STIMATE: variants seen among roughly 807,000 people sequenced by gnomAD.
STIMATE encodes the protein STIM activating enhancer, also known as store-operated calcium entry regulator STIMATE.
In STIMATE, 15 loss-of-function variants were observed where a neutral mutation model predicts 36.7. That is an observed-to-expected ratio of 0.41 (90% CI 0.27 to 0.63). The LOEUF (loss-of-function observed/expected upper bound fraction) is 0.63, where lower values mean the gene tolerates loss of function less well. Ranked by LOEUF, STIMATE falls within the 20% of genes least tolerant of loss-of-function variation. STIMATE has a pLI of 0.32. For synonymous variants in STIMATE, 163 were observed against 162.3 expected, an observed-to-expected ratio of 1.00 and a Z score of -0.03; for missense variants, 305 against 397.3, an observed-to-expected ratio of 0.77 and a Z score of 1.98.
intron 1 of STIMATE, among the ~76,000 whole-genome samples, chr3:52,894,655 T>C (rs1701834332): frequency 6.6e-6 from 1 of 152,122 alleles, no homozygotes; most frequent in Non-Finnish European, 1.5e-5. Flanking sequence ...GAGGGGTCAC[T>C]GAAATCAGGG....
chr3:52,863,292 G>A (rs906061958), intron 1 of STIMATE, among the ~76,000 whole-genome samples: 5 of 152,098 alleles, frequency 3.3e-5, no homozygotes, highest in Admixed American at 6.5e-5. Flanking sequence ...GAATCATGGC[G>A]GGAGGCAAAA....
intron 1 of STIMATE, among the ~76,000 whole-genome samples, chr3:52,897,090 G>A (rs541636023): frequency 6.6e-6 from 1 of 152,178 alleles, no homozygotes; most frequent in South Asian, 2.1e-4. Context: ...GAAAGGGGAA[G>A]GGTCACTCCT....
At chr3:52,859,927 G>A (rs1470798260) in intron 1 of STIMATE, among the ~76,000 whole-genome samples, 1 of 151,954 alleles carries the variant, frequency 6.6e-6, no homozygotes, top group Non-Finnish European at 1.5e-5. Context: ...GCCACATATA[G>A]GAGCACCTTT....
At chr3:52,883,659 A>G (rs1172995263) in intron 1 of STIMATE, among the ~76,000 whole-genome samples, 2 of 152,072 alleles carry the variant, frequency 1.3e-5, no homozygotes, top group Admixed American at 1.3e-4. Flanking sequence ...CTGCACTTTA[A>G]TTTATAAAGC....
chr3:52,868,281 T>TA (rs1701345120), intron 1 of STIMATE, among the ~76,000 whole-genome samples: 1 of 152,162 alleles, frequency 6.6e-6, no homozygotes, highest in Admixed American at 6.5e-5. Flanking sequence ...TCAGGCAACT[T>TA]AAAGACTATA....
intron 7 of STIMATE, among the ~76,000 whole-genome samples, chr3:52,840,976 G>C (rs544849976): frequency 6.6e-5 from 10 of 152,174 alleles, no homozygotes; most frequent in Non-Finnish European, 1.2e-4. Context: ...AAAGTGCTGG[G>C]ATTACAGGCG....
intron 1 of STIMATE, among the ~76,000 whole-genome samples, chr3:52,875,023 T>C (rs1559496773): frequency 6.6e-6 from 1 of 152,138 alleles, no homozygotes; most frequent in African/African-American, 2.4e-5. Context: ...AGACGGAAAA[T>C]GCGCCACTTT....
At chr3:52,843,585 G>C in intron 6 of STIMATE, 136 bp downstream of exon 6, 2 of 1,314,026 alleles carry the variant, frequency 1.5e-6, no homozygotes, top group Non-Finnish European at 2.1e-6. Context: ...CCAGGTCTGG[G>C]GGTGGGAGAG....
At chr3:52,871,745 T>C (rs1222753275) in intron 1 of STIMATE, among the ~76,000 whole-genome samples, 4 of 152,164 alleles carry the variant, frequency 2.6e-5, no homozygotes, top group African/African-American at 9.7e-5. Context: ...AAAACTTCCA[T>C]GACACAAATC....
chr3:52,839,850 A>G lies in STIMATE; in HGVS notation c.*644T>C, dbSNP rs924360860. On this transcript the variant is annotated 3_prime_UTR_variant, in exon 8 of 8. Transcript: ENST00000355083. The stretch of plus-strand genomic sequence containing the variant: ...AGTTTTTAAATACAATAGTATGAAA[A>G]TATAACTTAAAAATATAAAAGTCAA... 3 of 152,668 alleles carry G rather than the reference A, an allele frequency of 2.0e-5. No homozygotes were observed. Among genetic ancestry groups the G allele is most frequent in the African/African-American group, 2.4e-5 (1 of 41,474 alleles). The allele number at this position is 152,668 out of a possible 1,614,324, so 9.5% of individuals were successfully genotyped here. A position where few individuals can be genotyped will look rare whatever the true frequency, so the allele number is the denominator to read the frequency against.
chr3:52,864,040 T>G (rs1435668344), intron 1 of STIMATE, among the ~76,000 whole-genome samples: 2 of 152,218 alleles, frequency 1.3e-5, no homozygotes, highest in African/African-American at 2.4e-5. Flanking sequence ...TGTTGGTGGA[T>G]CTACCATTCT....
At chr3:52,843,256 G>A (rs1405983074) in intron 6 of STIMATE, 4 of 445,840 alleles carry the variant, frequency 9.0e-6, no homozygotes, top group East Asian at 4.3e-5. Flanking sequence ...CTGGACACGC[G>A]TTCCAGGCCC....
At chr3:52,888,605 C>T (rs6795646) in intron 1 of STIMATE, among the ~76,000 whole-genome samples, 89,682 of 152,018 alleles carry the variant, frequency 0.59, 27,027 homozygotes, top group South Asian at 0.82. Context: ...CATGCCTCTA[C>T]GTCATTTCAT....
rs1261506993 is a variant in STIMATE at position 52,870,241 on chromosome 3, G to A, written c.161-14797C>T. On this transcript the variant is annotated intron_variant, in intron 1 of 7. Transcript: ENST00000355083. ...CCAAAGTGCTGGGATTACAGGTGTG[G>A]GCCACCACACCTGGCCTCTTTTTTT... Among the ~76,000 whole-genome samples, 3 of 152,170 alleles carry A rather than the reference G, an allele frequency of 2.0e-5. No homozygotes were observed. The East Asian group carries it at 5.8e-4, about 29-fold the overall frequency.
rs1553628972 is a variant in STIMATE, at chr3:52,859,531, A to ATAAATT, written c.161-4088_161-4087insAATTTA. 5.5e-3 allele frequency among the ~76,000 whole-genome samples: 104 copies of ATAAATT among 18,840 alleles called. 1 individual carries two copies. Among genetic ancestry groups the ATAAATT allele is most frequent in the African/African-American group, 0.012 (93 of 7,870 alleles). The allele number at this position is 18,840 out of a possible 152,430, so 12.4% of individuals were successfully genotyped here. ...AAAAAAAAAAAAAAAAAAAAAAAAA[A>ATAAATT]TTTTTTTTTTTTTTTTTTTTTTGCT... On this transcript the variant is annotated intron_variant, in intron 1 of 7. Transcript: ENST00000355083.
Position 52,852,585 on chromosome 3 carries a change from C to A in STIMATE, c.305+18G>T. On this transcript the variant is annotated intron_variant, in intron 3 of 7. Transcript: ENST00000355083. ...TGGAGGGGCAGCTGATGTTTGCACT[C>A]AAATAGGGAACACTTACAGTGAACA... The A allele has an allele frequency of 6.2e-7, 1 of 1,612,424 alleles. No individual in the cohort carries two copies. Among genetic ancestry groups the A allele is most frequent in the South Asian group, 1.1e-5 (1 of 90,630 alleles).
intron 4 of STIMATE, among the ~76,000 whole-genome samples, chr3:52,847,061 C>A (rs1217084604): frequency 1.3e-5 from 2 of 152,070 alleles, no homozygotes; most frequent in Non-Finnish European, 2.9e-5. Flanking sequence ...ATGTCATGTG[C>A]CTGGCTAATT....
chr3:52,856,590 G>A (rs1168055568), intron 1 of STIMATE, among the ~76,000 whole-genome samples: 1 of 152,092 alleles, frequency 6.6e-6, no homozygotes, highest in Non-Finnish European at 1.5e-5. Context: ...AAGCTGAGGT[G>A]GGAGGGTCAC....
In STIMATE at chr3:52,846,762, C is replaced by T. The variant is rs565115009; in HGVS notation, c.428-1821G>A. Among the ~76,000 whole-genome samples the T allele has an allele frequency of 1.2e-3, 188 of 152,322 alleles. 2 individuals are homozygous for T. In the Middle Eastern group the frequency reaches 0.051, roughly 41 times the overall value. On this transcript the variant is annotated intron_variant, in intron 4 of 7. Coordinates refer to ENST00000355083, the MANE Select transcript of STIMATE (RefSeq NM_198563.5). ...ATTTCCTCTGGGAACCCAGATCTCA[C>T]GCAGCCACCGTTGGGAGAAGCACAC...
Sources: allele counts gnomAD v4.1 joint callset (sites outside exome capture counted in the v4.1 genomes callset), GRCh38; gene constraint gnomAD v4.1.1; transcripts MANE v1.5; gene names NCBI Gene and HGNC (gene_info 2026-07-23, HGNC 2026-07-21).